Variants in ARHGAP36 observed in about 807,000 individuals in gnomAD.
The protein encoded by ARHGAP36 is rho GTPase-activating protein 36.
In ARHGAP36, 7 loss-of-function variants were observed where a neutral mutation model predicts 32.9. The ratio of observed to expected loss-of-function variants is 0.21; its 90% confidence interval spans 0.12 to 0.40. The LOEUF is 0.40. Among genes scored for constraint, ARHGAP36 ranks in the 10% least tolerant of loss-of-function variants. The pLI is 1.00. For missense variants in ARHGAP36, 383 were observed against 442.2 expected (o/e 0.87, Z 1.20); for synonymous variants, 165 against 168.3 (o/e 0.98, Z 0.15).
chrX:131,070,865 G>A (rs746535550), intron 1 of ARHGAP36, among the ~76,000 whole-genome samples: 3 of 108,917 alleles, frequency 2.8e-5, no homozygotes, highest in Non-Finnish European at 3.8e-5. Context: ...GGTTCAAATC[G>A]TGTCTCCCAG....
intron 1 of ARHGAP36, 142 bp downstream of exon 1, chrX:131,058,586 C>A: frequency 1.9e-6 from 1 of 520,073 alleles, no homozygotes; most frequent in Non-Finnish European, 2.7e-6. Context: ...TTGTTCCTGG[C>A]TCAAGGGACT....
chrX:131,081,086 T>A (rs1219453257), intron 1 of ARHGAP36, among the ~76,000 whole-genome samples: 1 of 111,063 alleles, frequency 9.0e-6, no homozygotes, highest in Admixed American at 9.5e-5. Flanking sequence ...ATGGTTTATG[T>A]GGATATGCTT....
chrX:131,085,053 T>G lies in ARHGAP36; in HGVS notation c.944T>G (p.Leu315Arg). Residue 315 changes from leucine (L) to arginine (R), a missense_variant, in exon 7 of 12, where the codon CTC becomes CGC. Physicochemically the swap from Leu to Arg is moderately radical, Grantham distance 102 (BLOSUM62 -2). Coordinates refer to ENST00000276211, the MANE Select transcript of ARHGAP36 (RefSeq NM_144967.4). ...CCAGATGATCTGTACATGTCATTCC[T>G]CCTGACAGCAAGTGAGTCTTCTGAC... is the stretch of plus-strand genomic sequence containing the variant. ...LLPDDLYMSFLLTATLKPQDQ... is the reference protein window; with the variant it reads ...LLPDDLYMSFRLTATLKPQDQ... 1 of 1,209,300 alleles carries G rather than the reference T, an allele frequency of 8.3e-7. No homozygotes were observed. Among genetic ancestry groups the G allele is most frequent in the Non-Finnish European group, 1.1e-6 (1 of 894,738 alleles).
intron 1 of ARHGAP36, among the ~76,000 whole-genome samples, chrX:131,074,974 T>A (rs924742872): frequency 2.7e-5 from 3 of 112,606 alleles, no homozygotes; most frequent in South Asian, 3.7e-4. Context: ...ATACAGTTCA[T>A]CTTATCCCAT....
intron 5 of ARHGAP36, 78 bp from the exon 6 acceptor site, chrX:131,084,548 T>C (rs1246694571): frequency 8.7e-7 from 1 of 1,154,108 alleles, no homozygotes; most frequent in Non-Finnish European, 1.2e-6. Context: ...CGCGATGCAG[T>C]AGGGGGTGAG....
At chrX:131,087,657 G>A (rs1459588684) in intron 11 of ARHGAP36, among the ~76,000 whole-genome samples, 1 of 111,718 alleles carries the variant, frequency 9.0e-6, no homozygotes, top group South Asian at 3.8e-4. Flanking sequence ...GTAGTCACAG[G>A]CCCTGAAAAT....
At position 131,070,318 on chromosome X, in the gene ARHGAP36, G is replaced by A. The variant is rs188816392; in HGVS notation, c.-142-11206G>A. 2.7e-5 allele frequency among the ~76,000 whole-genome samples: 3 copies of A among 112,211 alleles called. No homozygotes were observed. In the East Asian group the frequency reaches 8.5e-4, roughly 32 times the overall value. On this transcript the variant is annotated intron_variant, in intron 1 of 11. Transcript: ENST00000276211. The stretch of plus-strand genomic sequence containing the variant: ...ATCTCAGTTAGGTAGCAGAGATGGC[G>A]CTAAAGTGGCAATGAATCAGTCCAA...
chrX:131,081,290 A>G (rs2079796218), intron 1 of ARHGAP36, among the ~76,000 whole-genome samples: 1 of 108,726 alleles, frequency 9.2e-6, no homozygotes, highest in East Asian at 2.8e-4. Flanking sequence ...GAGTATCGTC[A>G]TGGAAAGAAA....
chrX:131,066,047 G>A (rs1181271061), intron 1 of ARHGAP36, among the ~76,000 whole-genome samples: 2 of 111,343 alleles, frequency 1.8e-5, no homozygotes, highest in African/African-American at 6.6e-5. Context: ...CCATAAATGT[G>A]TTCCCCAAAA....
At chrX:131,070,896 T>C (rs996328786) in intron 1 of ARHGAP36, among the ~76,000 whole-genome samples, 5 of 109,467 alleles carry the variant, frequency 4.6e-5, no homozygotes, top group Non-Finnish European at 5.7e-5. Context: ...TACCAGCCCA[T>C]GTTGCTAGTT....
At chrX:131,080,631 C>T (rs1217594329) in intron 1 of ARHGAP36, among the ~76,000 whole-genome samples, 3 of 112,023 alleles carry the variant, frequency 2.7e-5, no homozygotes, top group African/African-American at 9.7e-5. Flanking sequence ...ATGGAGAAGG[C>T]ACATATAAAA....
intron 11 of ARHGAP36, among the ~76,000 whole-genome samples, chrX:131,087,234 T>C (rs1200327029): frequency 8.9e-6 from 1 of 111,860 alleles, no homozygotes; most frequent in Non-Finnish European, 1.9e-5. Flanking sequence ...CTTCAGATAA[T>C]GATGAAATCC....
chrX:131,085,653 A>G lies in ARHGAP36; in HGVS notation c.1021A>G (p.Ser341Gly). Residue 341 changes from serine to glycine, a missense_variant, in exon 8 of 12, where the codon AGT (serine) becomes GGT (glycine). By Grantham distance (56) the Ser-to-Gly change is moderately conservative. This residue lies in a region of ARHGAP36 where 227 missense variants were observed against 311.3 expected (regional missense o/e 0.73). Coordinates refer to ENST00000276211, the MANE Select transcript of ARHGAP36 (RefSeq NM_144967.4). Reference protein sequence around the residue: ...LLVYLMPPCHSDTLERLLKAL... With the variant: ...LLVYLMPPCHGDTLERLLKAL... ...GGTCTACCTGATGCCACCCTGCCAC[A>G]GTGATACCCTGGAGCGTCTGCTGAA... is the stretch of plus-strand genomic sequence containing the variant. 2 of 1,211,728 alleles carry G rather than the reference A, an allele frequency of 1.7e-6. No individual in the cohort carries two copies.
intron 6 of ARHGAP36, 99 bp from the exon 7 acceptor site, chrX:131,084,815 G>A (rs2079825822): frequency 5.1e-6 from 6 of 1,170,120 alleles, no homozygotes; most frequent in Non-Finnish European, 6.9e-6. Context: ...CCACCATATT[G>A]CCAGCTACCT....
rs5977415 is a variant in ARHGAP36, at chrX:131,083,365, T to G, written c.319+135T>G. On this transcript the variant is annotated intron_variant, in intron 3 of 11. Coordinates refer to ENST00000276211, the MANE Select transcript of ARHGAP36 (RefSeq NM_144967.4). ...TCTCCTCAGCTCCCAAACCCCACAG[T>G]GGGTGATATCAGGAAATGGCGCAGT... 6.4e-3 allele frequency: 4,132 copies of G among 645,438 alleles called. 114 individuals carry two copies. In the African/African-American group the frequency reaches 0.084, roughly 13 times the overall value. The allele number at this position is 645,438 out of a possible 1,213,427, so 53.2% of individuals were successfully genotyped here. A position where few individuals can be genotyped will look rare whatever the true frequency, so the allele number is the denominator to read the frequency against.
chrX:131,079,820 A>G (rs1043817964), intron 1 of ARHGAP36, among the ~76,000 whole-genome samples: 3 of 111,419 alleles, frequency 2.7e-5, no homozygotes, highest in African/African-American at 6.5e-5. Context: ...GGAACCAGCC[A>G]TATTTACCCA....
At chrX:131,088,047 T>A (rs975862571) in intron 11 of ARHGAP36, among the ~76,000 whole-genome samples, 4 of 112,468 alleles carry the variant, frequency 3.6e-5, no homozygotes, top group African/African-American at 1.3e-4. Context: ...GAAGTCCCAA[T>A]GCCTAAAGAT....
intron 1 of ARHGAP36, among the ~76,000 whole-genome samples, chrX:131,059,693 C>T (rs1473391033): frequency 8.9e-6 from 1 of 112,166 alleles, no homozygotes; most frequent in Middle Eastern, 4.2e-3. Flanking sequence ...TGCATACACA[C>T]AGAGTTTAAT....
chrX:131,077,783 ATATATATATATATATATATATATT>A (rs2148640299), intron 1 of ARHGAP36, among the ~76,000 whole-genome samples: 1 of 17,064 alleles, frequency 5.9e-5, no homozygotes, highest in African/African-American at 2.0e-4. Flanking sequence ...ATATATATAT[ATATATATATATATATATATATATT>A]GCTAGTGACA....
Sources: allele counts gnomAD v4.1 joint callset (sites outside exome capture counted in the v4.1 genomes callset), GRCh38; gene constraint gnomAD v4.1.1; regional missense constraint gnomAD v4.1.1; transcripts MANE v1.5; gene names NCBI Gene and HGNC (gene_info 2026-07-23, HGNC 2026-07-21).